LTBP1: variants seen among roughly 807,000 people sequenced by gnomAD.
LTBP1 encodes latent-transforming growth factor beta-binding protein 1.
In LTBP1, 129 loss-of-function variants were observed where a neutral mutation model predicts 207.6. The observed-to-expected ratio is 0.62, with a 90% CI of 0.54 to 0.72. The LOEUF (loss-of-function observed/expected upper bound fraction) is 0.72. LTBP1 is among the 30% of genes least tolerant of loss of function. The pLI is 0.00. For missense variants in LTBP1, 2,281 were observed against 2,217.2 expected (o/e 1.03, Z -0.58); for synonymous variants, 963 against 833.7 (o/e 1.16, Z -2.67).
At chr2:33,287,644 T>C (rs747993475) in intron 19 of LTBP1, among the ~76,000 whole-genome samples, 30 of 152,204 alleles carry the variant, frequency 2.0e-4, no homozygotes, top group Non-Finnish European at 3.8e-4. Flanking sequence ...GGATTAGTGA[T>C]TGGATTTTTC....
intron 7 of LTBP1, among the ~76,000 whole-genome samples, chr2:33,202,206 T>TA (rs1311959634): frequency 2.0e-5 from 3 of 152,158 alleles, no homozygotes; most frequent in Non-Finnish European, 4.4e-5. Flanking sequence ...TACTTTTTTT[T>TA]AAAAGAGTTT....
At chr2:33,274,843 G>A in intron 16 of LTBP1, 122 bp from the exon 17 acceptor site, 1 of 879,302 alleles carries the variant, frequency 1.1e-6, no homozygotes, top group South Asian at 1.6e-5. Context: ...TCCTTTTGCT[G>A]TTGTCCTCAG....
At chr2:33,266,639 A>G (rs1319253713) in intron 15 of LTBP1, among the ~76,000 whole-genome samples, 2 of 152,066 alleles carry the variant, frequency 1.3e-5, no homozygotes, top group African/African-American at 4.8e-5. Flanking sequence ...ACTCAGCCAA[A>G]CTCACACAGA....
At chr2:33,362,857 C>T (rs1424152728) in intron 28 of LTBP1, among the ~76,000 whole-genome samples, 3 of 152,140 alleles carry the variant, frequency 2.0e-5, no homozygotes, top group Non-Finnish European at 4.4e-5. Flanking sequence ...CTATTGTCTC[C>T]AATTTATCAT....
intron 5 of LTBP1, among the ~76,000 whole-genome samples, chr2:33,140,669 A>T (rs996224861): frequency 5.6e-5 from 8 of 141,666 alleles, no homozygotes; most frequent in African/African-American, 7.8e-5. Context: ...TAATTAATTA[A>T]TTTTTTTTTT....
rs762959638 is a variant in LTBP1, at chr2:33,303,352, C to CTTT, written c.3481+1722_3481+1724dup. ...GATCATCAGGCATTAGTTAGATTTT[C>CTTT]TTTTTTTTTTTTTTTTGAGACGGAA... is the stretch of plus-strand genomic sequence containing the variant. On this transcript the variant is annotated intron_variant, in intron 22 of 33. Transcript: ENST00000404816. Among the ~76,000 whole-genome samples, 419 of 132,916 alleles carry CTTT rather than the reference C, an allele frequency of 3.2e-3. 12 individuals carry two copies. The highest frequency in any genetic ancestry group is 7.0e-3 in the African/African-American group (252 of 35,882). 87.2% of individuals were successfully genotyped at this position (132,916 alleles called of 152,430 possible). A position where few individuals can be genotyped will look rare whatever the true frequency, so the allele number is the denominator to read the frequency against.
intron 5 of LTBP1, among the ~76,000 whole-genome samples, chr2:33,140,358 T>C (rs2082542633): frequency 6.6e-6 from 1 of 152,350 alleles, no homozygotes; most frequent in South Asian, 2.1e-4. Context: ...CATTCGTCAT[T>C]GTTTGGACTC....
intron 11 of LTBP1, among the ~76,000 whole-genome samples, chr2:33,256,947 C>A (rs55676641): frequency 1.7e-3 from 253 of 149,396 alleles, no homozygotes; most frequent in African/African-American, 5.5e-3. Context: ...AGAACTAATC[C>A]CTCATGGATA....
chr2:33,289,909 C>T (rs1361530450), intron 19 of LTBP1, among the ~76,000 whole-genome samples: 2 of 152,132 alleles, frequency 1.3e-5, no homozygotes, highest in Non-Finnish European at 2.9e-5. Flanking sequence ...GTAGGCACCA[C>T]CTGCTTCCTT....
At chr2:33,396,379 C>T (rs904187120) in intron 32 of LTBP1, among the ~76,000 whole-genome samples, 1 of 152,082 alleles carries the variant, frequency 6.6e-6, no homozygotes, top group Non-Finnish European at 1.5e-5. Flanking sequence ...CACCACCACG[C>T]CCGGCTAATT....
At chr2:33,285,175 G>A (rs1418966049) in intron 19 of LTBP1, among the ~76,000 whole-genome samples, 3 of 151,158 alleles carry the variant, frequency 2.0e-5, no homozygotes, top group Non-Finnish European at 2.9e-5. Context: ...CCGAGTAGCT[G>A]GGATTACAGG....
chr2:33,283,083 A>G lies in LTBP1; in HGVS notation c.3112+2925A>G, dbSNP rs966708401. On this transcript the variant is annotated intron_variant, in intron 19 of 33. Transcript: ENST00000404816. ...TCTCAAAAAAAAAAAAAAAAAAAAA[A>G]AGAGAGAGTGAATAAAATAAAGTTT... Among the ~76,000 whole-genome samples, 8 of 151,300 alleles carry G rather than the reference A, an allele frequency of 5.3e-5. 1 individual carries two copies. In the East Asian group the frequency reaches 5.8e-4, roughly 11 times the overall value.
chr2:33,097,309 G>T (rs2079451052), intron 3 of LTBP1, among the ~76,000 whole-genome samples: 1 of 152,180 alleles, frequency 6.6e-6, no homozygotes, highest in Non-Finnish European at 1.5e-5. Flanking sequence ...TCAAGTGGAT[G>T]AAATAACATA....
At chr2:33,192,126 T>C (rs541853585) in intron 7 of LTBP1, among the ~76,000 whole-genome samples, 2 of 151,938 alleles carry the variant, frequency 1.3e-5, no homozygotes, top group African/African-American at 4.8e-5. Context: ...CAGGGAAGAG[T>C]TGTCAGAAGA....
chr2:33,364,236 C>T lies in LTBP1; in HGVS notation c.4420C>T (p.Pro1474Ser), dbSNP rs1460645971. 6.2e-7 allele frequency: 1 copy of T among 1,613,440 alleles called. No homozygotes were observed. The highest frequency in any genetic ancestry group is 8.5e-7 in the Non-Finnish European group (1 of 1,179,812). ...QCFDMDECQDPSSCIDGQCVN... is the reference protein window; with the variant it reads ...QCFDMDECQDSSSCIDGQCVN... ...TTAAGATATGGATGAATGTCAAGAC[C>T]CCAGTAGTTGTATTGATGGCCAGTG... The change falls in exon 30 of 34, where the codon CCC (proline) becomes TCC (serine). Residue 1474 changes from proline to serine, a missense_variant. Pro to Ser is a moderately conservative substitution (Grantham distance 74). Coordinates refer to ENST00000404816, the MANE Select transcript of LTBP1 (RefSeq NM_206943.4).
At chr2:33,034,858 A>G (rs2075845693) in intron 3 of LTBP1, among the ~76,000 whole-genome samples, 1 of 152,172 alleles carries the variant, frequency 6.6e-6, no homozygotes, top group Non-Finnish European at 1.5e-5. Context: ...GTTTAAATAA[A>G]AAAAAAAGGA....
chr2:33,336,260 C>T (rs75348861), intron 24 of LTBP1, among the ~76,000 whole-genome samples: 2,246 of 152,304 alleles, frequency 0.015, 23 homozygotes, highest in East Asian at 0.026. Context: ...TTTGGGCTCA[C>T]AGTTTGGTTA....
chr2:33,035,390 T>C (rs925684404), intron 3 of LTBP1, among the ~76,000 whole-genome samples: 1 of 152,190 alleles, frequency 6.6e-6, no homozygotes, highest in Non-Finnish European at 1.5e-5. Flanking sequence ...GAAAAACACA[T>C]TTTGAGACCA....
intron 15 of LTBP1, among the ~76,000 whole-genome samples, chr2:33,263,901 C>G (rs1558910058): frequency 7.1e-6 from 1 of 140,158 alleles, no homozygotes; most frequent in South Asian, 2.4e-4. Context: ...CGCAGTGAGC[C>G]AAGATCACGC....
Sources: gnomAD v4.1 joint callset for allele counts (sites outside exome capture counted in the v4.1 genomes callset) on GRCh38, gnomAD v4.1.1 for gene constraint, MANE v1.5 for transcripts, NCBI Gene and HGNC (gene_info 2026-07-23, HGNC 2026-07-21) for gene names.